Variants in SIPA1L1 observed in about 807,000 individuals in gnomAD.
The protein encoded by SIPA1L1 is signal-induced proliferation-associated 1-like protein 1.
SIPA1L1 carries 26 observed loss-of-function variants against 162.7 expected under a neutral mutation model. The observed-to-expected ratio is 0.16, with a 90% CI of 0.12 to 0.22. The LOEUF is 0.22. Ranked by LOEUF, SIPA1L1 falls within the 10% of genes least tolerant of loss-of-function variation. SIPA1L1 has a pLI of 1.00. For synonymous variants in SIPA1L1, 829 were observed against 837.4 expected (o/e 0.99, Z 0.17); for missense variants, 1,874 against 2,241.0 (o/e 0.84, Z 3.31).
At chr14:71,426,284 G>A (rs565296704) in intron 2 of SIPA1L1, among the ~76,000 whole-genome samples, 29 of 151,916 alleles carry the variant, frequency 1.9e-4, no homozygotes, top group African/African-American at 7.0e-4. Context: ...GTTGCTATTT[G>A]TTTTCTACAT....
At chr14:71,519,432 A>T (rs996310384) in intron 3 of SIPA1L1, among the ~76,000 whole-genome samples, 3 of 152,202 alleles carry the variant, frequency 2.0e-5, no homozygotes, top group African/African-American at 7.2e-5. Context: ...AACAATGAAC[A>T]TATCTGGCAC....
chr14:71,628,230 A>G (rs2040228838), intron 7 of SIPA1L1, among the ~76,000 whole-genome samples: 1 of 152,238 alleles, frequency 6.6e-6, no homozygotes, highest in Non-Finnish European at 1.5e-5. Flanking sequence ...TAAATTTGCC[A>G]TATCAGAGCC....
chr14:71,372,720 T>C (rs1399288648), intron 2 of SIPA1L1, among the ~76,000 whole-genome samples: 1 of 152,168 alleles, frequency 6.6e-6, no homozygotes, highest in Admixed American at 6.5e-5. Context: ...TGGCAAGTTA[T>C]AGCCATAAAC....
At chr14:71,328,715 C>T (rs1015040650) in intron 2 of SIPA1L1, among the ~76,000 whole-genome samples, 1 of 152,166 alleles carries the variant, frequency 6.6e-6, no homozygotes, top group Non-Finnish European at 1.5e-5. Flanking sequence ...GCTTAGACTC[C>T]TGCAGTGGAG....
In SIPA1L1 at chr14:71,718,441, A is replaced by G. The variant is rs1202379817; in HGVS notation, c.4209-5206A>G. Among the ~76,000 whole-genome samples, 4 of 152,360 alleles carry G rather than the reference A, an allele frequency of 2.6e-5. No individual in the cohort carries two copies. The South Asian group carries it at 6.2e-4, about 24-fold the overall frequency. On this transcript the variant is annotated intron_variant, in intron 17 of 23. Transcript: ENST00000381232. ...TAGTGTCAGCCCATTGTGTTCATAG[A>G]TAAAACCAAGGATCGGGGTTGATCT... is the stretch of plus-strand genomic sequence containing the variant.
At chr14:71,733,857 G>C in intron 21 of SIPA1L1, 45 bp downstream of exon 21, 1 of 1,586,486 alleles carries the variant, frequency 6.3e-7, no homozygotes, top group Non-Finnish European at 8.6e-7. Context: ...ATCCTGCAGC[G>C]GAGTGAGCAG....
chr14:71,526,875 C>T (rs960504036), intron 3 of SIPA1L1, among the ~76,000 whole-genome samples: 2 of 152,124 alleles, frequency 1.3e-5, no homozygotes, highest in African/African-American at 4.8e-5. Context: ...GAGGCATTTA[C>T]CTAGGAGTGG....
Position 71,598,993 on chromosome 14 carries a change from G to A in SIPA1L1, c.1498+9623G>A, listed in dbSNP as rs80326448. Among the ~76,000 whole-genome samples, 1,272 of 151,954 alleles carry A rather than the reference G, an allele frequency of 8.4e-3. 41 individuals are homozygous for A. Among genetic ancestry groups the A allele is most frequent in the Admixed American group, 0.061 (931 of 15,252 alleles). The stretch of plus-strand genomic sequence containing the variant: ...CCCTTCCTGGTCTCTGATATCTATC[G>A]TTACACTCTCTACCTCCATGAAATC... On this transcript the variant is annotated intron_variant, in intron 5 of 23. Transcript: ENST00000381232.
At chr14:71,662,701 G>A (rs913133101) in intron 10 of SIPA1L1, among the ~76,000 whole-genome samples, 1 of 152,166 alleles carries the variant, frequency 6.6e-6, no homozygotes, top group Non-Finnish European at 1.5e-5. Flanking sequence ...CTGAGCCTAG[G>A]TGAACACCCA....
At chr14:71,557,106 A>G (rs1025526924) in intron 4 of SIPA1L1, among the ~76,000 whole-genome samples, 1 of 152,094 alleles carries the variant, frequency 6.6e-6, no homozygotes, top group Non-Finnish European at 1.5e-5. Flanking sequence ...ATAACACCAT[A>G]CCCATTAATA....
chr14:71,341,622 C>T (rs2035661666), intron 2 of SIPA1L1, among the ~76,000 whole-genome samples: 1 of 152,066 alleles, frequency 6.6e-6, no homozygotes, highest in Non-Finnish European at 1.5e-5. Context: ...GCATCGTACC[C>T]AACAGTTAGT....
intron 2 of SIPA1L1, among the ~76,000 whole-genome samples, chr14:71,414,417 C>T (rs2042615756): frequency 6.6e-6 from 1 of 151,988 alleles, no homozygotes; most frequent in African/African-American, 2.4e-5. Context: ...AACAAAAAAC[C>T]CTGCTCTTTA....
chr14:71,470,823 GTTTTGTTTTA>G (rs1451269545), intron 2 of SIPA1L1, among the ~76,000 whole-genome samples: 60 of 151,854 alleles, frequency 4.0e-4, no homozygotes, highest in Non-Finnish European at 1.5e-5. Flanking sequence ...AGTTTTTTTT[GTTTTGTTTTA>G]TTTTGTTTTG....
intron 2 of SIPA1L1, among the ~76,000 whole-genome samples, chr14:71,438,435 A>G (rs2044579170): frequency 6.6e-6 from 1 of 152,144 alleles, no homozygotes; most frequent in African/African-American, 2.4e-5. Context: ...TCTCAAAGCA[A>G]AGATCATCTC....
intron 2 of SIPA1L1, among the ~76,000 whole-genome samples, chr14:71,363,684 A>G (rs1227558140): frequency 6.6e-6 from 1 of 152,186 alleles, no homozygotes. Context: ...TCCACAAATC[A>G]CTGATTAGTA....
rs1175611869 is a variant in SIPA1L1 at position 71,724,812 on chromosome 14, C to T, written c.4591C>T (p.Pro1531Ser). ...KKLIDLESPT[P>S]ESQKSFKFHA... is the part of the protein sequence containing the mutation. ...ACTAATTGATCTTGAAAGCCCAACT[C>T]CTGAATCACAGAAGAGTTTTAAGGT... The change falls in exon 19 of 24, where the codon CCT becomes TCT. Residue 1531 changes from proline (P) to serine (S), a missense_variant. Physicochemically the swap from Pro to Ser is moderately conservative, Grantham distance 74. This residue lies in a region of SIPA1L1 where 936 missense variants were observed against 1,051.9 expected (regional missense o/e 0.89). Transcript: ENST00000381232. 3 of 1,614,136 alleles carry T rather than the reference C, an allele frequency of 1.9e-6. No individual in the cohort carries two copies. In the South Asian group the frequency reaches 3.3e-5, roughly 18 times the overall value.
intron 2 of SIPA1L1, among the ~76,000 whole-genome samples, chr14:71,412,281 C>T (rs140945064): frequency 1.7e-3 from 261 of 152,100 alleles, no homozygotes; most frequent in Non-Finnish European, 2.5e-3. Context: ...TTGTAAACTT[C>T]CTTAAAACAT....
At chr14:71,444,403 G>T (rs1256052945) in intron 2 of SIPA1L1, among the ~76,000 whole-genome samples, 1 of 151,986 alleles carries the variant, frequency 6.6e-6, no homozygotes, top group African/African-American at 2.4e-5. Flanking sequence ...CTTTTTTGGG[G>T]GGTTATAGGA....
intron 8 of SIPA1L1, among the ~76,000 whole-genome samples, chr14:71,652,383 T>C (rs1469165428): frequency 6.6e-6 from 1 of 152,200 alleles, no homozygotes. Context: ...TAACTTTATG[T>C]TGTGTCAAGA....
Sources: gnomAD v4.1 joint callset for allele counts (sites outside exome capture counted in the v4.1 genomes callset) on GRCh38, gnomAD v4.1.1 for gene constraint, gnomAD v4.1.1 regional missense constraint, MANE v1.5 for transcripts, NCBI Gene and HGNC (gene_info 2026-07-23, HGNC 2026-07-21) for gene names.